ATP2B2: variants seen among roughly 807,000 people sequenced by gnomAD.
The protein encoded by ATP2B2 is ATPase plasma membrane Ca2+ transporting 2.
Under a neutral mutation model 120.0 loss-of-function variants are expected in ATP2B2, and 15 were observed. The ratio of observed to expected loss-of-function variants is 0.12; its 90% CI spans 0.08 to 0.19. ATP2B2 has a LOEUF of 0.19. ATP2B2 is among the 10% of genes least tolerant of loss of function. ATP2B2 has a pLI of 1.00. For missense variants in ATP2B2, 1,045 were observed against 1,719.8 expected (o/e 0.61, Z 6.94); for synonymous variants, 694 against 700.3 (o/e 0.99, Z 0.14).
chr3:10,403,074 G>T (rs1437879991), intron 3 of ATP2B2, among the ~76,000 whole-genome samples: 1 of 151,038 alleles, frequency 6.6e-6, no homozygotes, highest in Non-Finnish European at 1.5e-5. Flanking sequence ...TTCTAATCCT[G>T]CTGCTGCCTC....
At chr3:10,403,637 T>G (rs2124980480) in intron 3 of ATP2B2, among the ~76,000 whole-genome samples, 1 of 152,252 alleles carries the variant, frequency 6.6e-6, no homozygotes, top group African/African-American at 2.4e-5. Flanking sequence ...GAAAGGAATC[T>G]CCAGCAGCAT....
At chr3:10,665,290 T>G (rs1229220530) in intron 1 of ATP2B2, among the ~76,000 whole-genome samples, 1 of 152,132 alleles carries the variant, frequency 6.6e-6, no homozygotes, top group Admixed American at 6.5e-5. Flanking sequence ...GGCTGAGCTC[T>G]CTGTCTCTGT....
intron 2 of ATP2B2, among the ~76,000 whole-genome samples, chr3:10,535,684 G>T (rs2067299343): frequency 6.6e-6 from 1 of 152,270 alleles, no homozygotes; most frequent in East Asian, 1.9e-4. Context: ...CCTCTAGGTG[G>T]TTGTGTGTAA....
intron 2 of ATP2B2, among the ~76,000 whole-genome samples, chr3:10,432,685 G>A (rs2063355681): frequency 6.6e-6 from 1 of 152,248 alleles, no homozygotes; most frequent in African/African-American, 2.4e-5. Flanking sequence ...TGGCAAGGAG[G>A]TGGCAGGGGC....
chr3:10,683,873 G>A (rs529407063), intron 1 of ATP2B2, among the ~76,000 whole-genome samples: 136 of 146,176 alleles, frequency 9.3e-4, no homozygotes, highest in Middle Eastern at 7.5e-3. Context: ...GCTCACTCAC[G>A]GCATCCTCGA....
At chr3:10,621,244 G>C (rs1389451305) in intron 1 of ATP2B2, among the ~76,000 whole-genome samples, 1 of 152,086 alleles carries the variant, frequency 6.6e-6, no homozygotes, top group Non-Finnish European at 1.5e-5. Context: ...TGTTGAGCCA[G>C]CCTGTCCCCT....
intron 2 of ATP2B2, among the ~76,000 whole-genome samples, chr3:10,429,913 C>T (rs890845854): frequency 6.6e-6 from 1 of 152,216 alleles, no homozygotes; most frequent in Non-Finnish European, 1.5e-5. Context: ...GAAGATCAAA[C>T]CAGCCACAAC....
intron 1 of ATP2B2, among the ~76,000 whole-genome samples, chr3:10,644,598 T>C (rs1384947200): frequency 6.6e-6 from 1 of 152,242 alleles, no homozygotes; most frequent in East Asian, 1.9e-4. Flanking sequence ...AATGAAGTAC[T>C]AATACATGCT....
At chr3:10,496,501 C>T (rs1020246250) in intron 1 of ATP2B2, among the ~76,000 whole-genome samples, 1 of 152,220 alleles carries the variant, frequency 6.6e-6, no homozygotes, top group African/African-American at 2.4e-5. Context: ...GCAGTTCATG[C>T]CCCACATCCC....
At chr3:10,358,181 A>C (rs1192481784) in intron 14 of ATP2B2, among the ~76,000 whole-genome samples, 2 of 152,238 alleles carry the variant, frequency 1.3e-5, no homozygotes, top group Non-Finnish European at 2.9e-5. Context: ...TGCTGGGGTA[A>C]ACTGGCTGGT....
At chr3:10,364,532 A>T (rs2125469466) in intron 12 of ATP2B2, among the ~76,000 whole-genome samples, 1 of 152,086 alleles carries the variant, frequency 6.6e-6, no homozygotes, top group South Asian at 2.1e-4. Context: ...CCAAGATGTC[A>T]AAACCCCGTC....
At chr3:10,363,181 A>T (rs1039701995) in intron 12 of ATP2B2, among the ~76,000 whole-genome samples, 2 of 152,280 alleles carry the variant, frequency 1.3e-5, no homozygotes, top group East Asian at 1.9e-4. Flanking sequence ...GTTTGTTTCC[A>T]TGAACTTGAG....
chr3:10,451,165 G>T (rs1000022263), intron 1 of ATP2B2, among the ~76,000 whole-genome samples: 3 of 152,254 alleles, frequency 2.0e-5, no homozygotes, highest in Non-Finnish European at 4.4e-5. Flanking sequence ...GAGCCGCACG[G>T]AGTGAGAGTG....
intron 1 of ATP2B2, among the ~76,000 whole-genome samples, chr3:10,662,476 A>C (rs201633073): frequency 7.3e-6 from 1 of 136,536 alleles, no homozygotes; most frequent in Middle Eastern, 3.5e-3. Flanking sequence ...ATGCAGCCAA[A>C]AAACACATGA....
At chr3:10,651,639 T>C (rs2070464957) in intron 1 of ATP2B2, among the ~76,000 whole-genome samples, 1 of 151,688 alleles carries the variant, frequency 6.6e-6, no homozygotes, top group Admixed American at 6.6e-5. Context: ...TGGGGGGATA[T>C]GGATGTATAG....
At chr3:10,623,708 C>T (rs777515926) in intron 1 of ATP2B2, among the ~76,000 whole-genome samples, 2 of 152,172 alleles carry the variant, frequency 1.3e-5, no homozygotes, top group Admixed American at 6.5e-5. Flanking sequence ...TACCACTGTT[C>T]AGTCAATAAA....
intron 3 of ATP2B2, among the ~76,000 whole-genome samples, chr3:10,513,365 C>T (rs1024539207): frequency 8.5e-5 from 13 of 152,196 alleles, no homozygotes; most frequent in African/African-American, 1.2e-4. Flanking sequence ...AAAGGAGGCC[C>T]GGATGGCTGG....
chr3:10,348,638 G>A (rs1574974960), intron 16 of ATP2B2, among the ~76,000 whole-genome samples: 1 of 152,230 alleles, frequency 6.6e-6, no homozygotes, highest in East Asian at 1.9e-4. Context: ...TCAAGCACAG[G>A]CCCTACCAAC....
chr3:10,376,627 C>T (rs192663107), intron 10 of ATP2B2, among the ~76,000 whole-genome samples: 5 of 152,316 alleles, frequency 3.3e-5, no homozygotes, highest in Admixed American at 2.0e-4. Context: ...TGCTCACACC[C>T]GCAGACTCTG....
Sources: gnomAD v4.1 joint callset for allele counts (sites outside exome capture counted in the v4.1 genomes callset) on GRCh38, gnomAD v4.1.1 for gene constraint, MANE v1.5 for transcripts, NCBI Gene and HGNC (gene_info 2026-07-23, HGNC 2026-07-21) for gene names.